Variants in SNX25 observed in about 807,000 individuals in gnomAD.
SNX25 encodes sorting nexin 25.
In SNX25, 62 loss-of-function variants were observed where a neutral mutation model predicts 113.7. The ratio of observed to expected loss-of-function variants is 0.55; its 90% CI spans 0.44 to 0.67. The LOEUF is 0.67. Among genes scored for constraint, SNX25 ranks in the 30% least tolerant of loss-of-function variants. The pLI is 0.00. For missense variants in SNX25, 1,014 were observed against 1,161.0 expected (o/e 0.87, Z 1.84); for synonymous variants, 421 against 436.2 (o/e 0.97, Z 0.43).
At chr4:185,354,235 G>A (rs1000523999) in intron 15 of SNX25, among the ~76,000 whole-genome samples, 3 of 152,162 alleles carry the variant, frequency 2.0e-5, no homozygotes, top group Admixed American at 2.0e-4. Context: ...GTCACTAAAA[G>A]TTATACAGAA....
chr4:185,335,769 A>T (rs931938232), intron 10 of SNX25, among the ~76,000 whole-genome samples: 2 of 152,194 alleles, frequency 1.3e-5, no homozygotes, highest in Admixed American at 1.3e-4. Context: ...AACACAAGTG[A>T]TGAGTAAATG....
At chr4:185,354,558 G>A (rs758173094) in intron 15 of SNX25, among the ~76,000 whole-genome samples, 5 of 152,298 alleles carry the variant, frequency 3.3e-5, no homozygotes, top group South Asian at 2.1e-4. Flanking sequence ...AGTAATGCTG[G>A]AGTTGAGAAA....
chr4:185,318,403 G>T (rs2095092342), intron 7 of SNX25, among the ~76,000 whole-genome samples: 1 of 152,122 alleles, frequency 6.6e-6, no homozygotes, highest in Admixed American at 6.5e-5. Flanking sequence ...ATACTCGATT[G>T]TTCCTTCTGT....
At chr4:185,274,514 A>G (rs1749387961) in intron 5 of SNX25, among the ~76,000 whole-genome samples, 2 of 152,270 alleles carry the variant, frequency 1.3e-5, no homozygotes, top group African/African-American at 4.8e-5. Flanking sequence ...CTTAGAAAGC[A>G]GGAAGAATGG....
chr4:185,215,071 A>G (rs2111486734), intron 1 of SNX25, among the ~76,000 whole-genome samples: 1 of 152,228 alleles, frequency 6.6e-6, no homozygotes. Flanking sequence ...TCTACTGAAA[A>G]TACAAAAAAT....
chr4:185,253,003 C>G (rs1745889401), intron 2 of SNX25, among the ~76,000 whole-genome samples: 1 of 152,200 alleles, frequency 6.6e-6, no homozygotes, highest in South Asian at 2.1e-4. Context: ...AGTTACCCTT[C>G]TGTACCAGAT....
upstream of SNX25, chr4:185,209,339 T>TA (rs1223903829): frequency 6.6e-6 from 1 of 152,388 alleles, no homozygotes; most frequent in African/African-American, 2.4e-5. This position sits in a 1 kb window ranked among gnomAD's most constrained non-coding sequence, Gnocchi z 5.2. Context: ...GCTCAGGAAT[T>TA]ACCAGCGCCG....
At chr4:185,338,358 C>T (rs1405743781) in intron 10 of SNX25, among the ~76,000 whole-genome samples, 2 of 151,636 alleles carry the variant, frequency 1.3e-5, no homozygotes, top group Admixed American at 1.3e-4. Context: ...TCCCTGCAAC[C>T]TCCAACCCCT....
intron 12 of SNX25, among the ~76,000 whole-genome samples, chr4:185,345,948 C>T (rs567260964): frequency 9.8e-4 from 149 of 152,288 alleles, no homozygotes; most frequent in Middle Eastern, 3.4e-3. Flanking sequence ...GCCTCCACCT[C>T]CTGGGTTCAA....
At chr4:185,215,221 T>A (rs1170367035) in intron 1 of SNX25, among the ~76,000 whole-genome samples, 1 of 151,378 alleles carries the variant, frequency 6.6e-6, no homozygotes, top group Non-Finnish European at 1.5e-5. Context: ...AGAGCGAGAC[T>A]CCGTCTCAAA....
intron 6 of SNX25, among the ~76,000 whole-genome samples, chr4:185,308,827 G>A (rs907292113): frequency 2.6e-5 from 4 of 152,116 alleles, no homozygotes; most frequent in African/African-American, 4.8e-5. Flanking sequence ...ACACTCCCAT[G>A]ATGTCATTTA....
intron 7 of SNX25, among the ~76,000 whole-genome samples, chr4:185,316,425 A>G (rs1035707344): frequency 6.6e-6 from 1 of 152,242 alleles, no homozygotes; most frequent in Non-Finnish European, 1.5e-5. Context: ...ATCTACCTCC[A>G]AAGCCTGAGC....
At chr4:185,253,269 T>C (rs967453368) in intron 2 of SNX25, among the ~76,000 whole-genome samples, 3 of 152,098 alleles carry the variant, frequency 2.0e-5, no homozygotes, top group Non-Finnish European at 4.4e-5. Context: ...TAATTCTTTT[T>C]CAAGACCTTG....
At chr4:185,376,952 T>C in the SNX25 span, 1 of 1,613,942 alleles carries the variant, frequency 6.2e-7, no homozygotes, top group Admixed American at 1.7e-5. Flanking sequence ...TGCCAGAGTG[T>C]CTCCTTTCAG....
chr4:185,211,477 C>G (rs1329813591), intron 1 of SNX25, among the ~76,000 whole-genome samples: 1 of 152,092 alleles, frequency 6.6e-6, no homozygotes, highest in Non-Finnish European at 1.5e-5. Context: ...CTCTTTTTTT[C>G]TACCATGGCA....
intron 13 of SNX25, among the ~76,000 whole-genome samples, chr4:185,347,166 C>T (rs574303407): frequency 6.6e-6 from 1 of 152,324 alleles, no homozygotes; most frequent in Admixed American, 6.5e-5. Context: ...AAATTCATTC[C>T]GTTGTTGATG....
At chr4:185,248,340 A>G (rs938521410) in intron 2 of SNX25, among the ~76,000 whole-genome samples, 3 of 152,224 alleles carry the variant, frequency 2.0e-5, no homozygotes, top group Admixed American at 6.5e-5. Context: ...GCAATTATTC[A>G]TAATCTCATA....
chr4:185,292,510 T>G (rs1288859758), intron 6 of SNX25, among the ~76,000 whole-genome samples: 1 of 152,168 alleles, frequency 6.6e-6, no homozygotes, highest in East Asian at 1.9e-4. Flanking sequence ...GCGATTCTCC[T>G]GCCTCAGCCT....
At position 185,292,112 on chromosome 4, in the gene SNX25, T is replaced by C. The variant is rs146563825; in HGVS notation, c.1162+4030T>C. Among the ~76,000 whole-genome samples, 33 of 152,216 alleles carry C rather than the reference T, an allele frequency of 2.2e-4. No individual in the cohort carries two copies. The East Asian group carries it at 5.0e-3, about 23-fold the overall frequency. On this transcript the variant is annotated intron_variant, in intron 6 of 18. Coordinates refer to ENST00000652585, the MANE Select transcript of SNX25 (RefSeq NM_001378034.2). ...ACATTAGTCTCTTTTAAGACTATAA[T>C]AGGGTTCAAAGTTAGAAAAAAACAC...
Sources: allele counts gnomAD v4.1 joint callset (sites outside exome capture counted in the v4.1 genomes callset), GRCh38; gene constraint gnomAD v4.1.1; non-coding constraint Gnocchi (gnomAD v3.1); transcripts MANE v1.5; gene names NCBI Gene and HGNC (gene_info 2026-07-23, HGNC 2026-07-21).